The following ARHGAP26 variants were observed in gnomAD, a reference collection of about 807,000 sequenced individuals.
ARHGAP26 encodes the protein rho GTPase-activating protein 26.
Under a neutral mutation model 104.8 loss-of-function variants are expected in ARHGAP26, and 38 were observed. That is an observed-to-expected ratio of 0.36 (90% CI 0.28 to 0.48). The LOEUF (loss-of-function observed/expected upper bound fraction) is 0.48. Among genes scored for constraint, ARHGAP26 ranks in the 20% least tolerant of loss-of-function variants. ARHGAP26 has a pLI of 0.99. For synonymous variants in ARHGAP26, 341 were observed against 340.0 expected, an observed-to-expected ratio of 1.00 and a Z score of -0.03; for missense variants, 704 against 947.9, an observed-to-expected ratio of 0.74 and a Z score of 3.38.
At chr5:142,921,203 CA>C (rs1763138161) in intron 10 of ARHGAP26, among the ~76,000 whole-genome samples, 1 of 152,158 alleles carries the variant, frequency 6.6e-6, no homozygotes, top group East Asian at 1.9e-4. Context: ...CCTGCATTTG[CA>C]CAGTAATAAG....
intron 11 of ARHGAP26, among the ~76,000 whole-genome samples, chr5:143,005,101 C>T (rs148076523): frequency 6.6e-6 from 1 of 152,136 alleles, no homozygotes; most frequent in African/African-American, 2.4e-5. Context: ...AAAAAATTAC[C>T]ACAACCCTTG....
Position 143,192,859 on chromosome 5 carries a change from A to G in ARHGAP26, c.1989-14339A>G, listed in dbSNP as rs539014334. On this transcript the variant is annotated intron_variant, in intron 20 of 22. Coordinates refer to ENST00000645722, the MANE Select transcript of ARHGAP26 (RefSeq NM_001135608.3). ...TCATGTTAACTTCATTTGCAGACAG[A>G]TGTTGGCCATGTAACATGAAAAAAG... Among the ~76,000 whole-genome samples the G allele has an allele frequency of 8.6e-5, 13 of 152,030 alleles. No homozygotes were observed. The East Asian group carries it at 2.3e-3, about 27-fold the overall frequency.
chr5:143,109,583 T>C (rs1042525298), intron 17 of ARHGAP26, among the ~76,000 whole-genome samples: 1 of 152,018 alleles, frequency 6.6e-6, no homozygotes, highest in Non-Finnish European at 1.5e-5. Flanking sequence ...GCTTCCCGAG[T>C]AGCTGGGACT....
chr5:143,023,267 A>G (rs1037535959), intron 12 of ARHGAP26, among the ~76,000 whole-genome samples: 7 of 152,368 alleles, frequency 4.6e-5, no homozygotes, highest in Middle Eastern at 6.8e-3. Flanking sequence ...ATTGAGGACC[A>G]GGAGAGGAGA....
chr5:143,105,098 G>A (rs1023926726), intron 17 of ARHGAP26, among the ~76,000 whole-genome samples: 8 of 152,184 alleles, frequency 5.3e-5, no homozygotes, highest in African/African-American at 1.9e-4. Context: ...CTAATCGGCT[G>A]GGTGTGGTGG....
At chr5:143,214,869 C>G (rs1221496863) in intron 22 of ARHGAP26, among the ~76,000 whole-genome samples, 1 of 152,258 alleles carries the variant, frequency 6.6e-6, no homozygotes, top group Non-Finnish European at 1.5e-5. Flanking sequence ...TCTGCATTCC[C>G]TTTTATCGTT....
At chr5:143,168,304 C>T (rs1449874719) in intron 20 of ARHGAP26, among the ~76,000 whole-genome samples, 1 of 152,134 alleles carries the variant, frequency 6.6e-6, no homozygotes, top group Non-Finnish European at 1.5e-5. Flanking sequence ...ATGTTGTCTT[C>T]CCATTCCAGA....
chr5:143,184,500 A>G (rs1294456862), intron 20 of ARHGAP26, among the ~76,000 whole-genome samples: 2 of 152,144 alleles, frequency 1.3e-5, no homozygotes, highest in African/African-American at 4.8e-5. Flanking sequence ...TATCTACTAT[A>G]TAAAAGCTCA....
intron 12 of ARHGAP26, among the ~76,000 whole-genome samples, chr5:143,027,328 T>A (rs1425582568): frequency 6.6e-6 from 1 of 151,342 alleles, no homozygotes; most frequent in East Asian, 1.9e-4. Context: ...CCTGCCACCA[T>A]GCCTAGCTAA....
chr5:142,966,645 ATGTATTCCAAGTC>A (rs1254911658), intron 11 of ARHGAP26, among the ~76,000 whole-genome samples: 3 of 152,214 alleles, frequency 2.0e-5, no homozygotes, highest in African/African-American at 7.2e-5. Context: ...TGCTGGAAAA[ATGTATTCCAAGTC>A]TGTAATTGAG....
At chr5:142,907,668 A>G (rs1352554391) in intron 8 of ARHGAP26, 36 bp from the exon 9 acceptor site, 8 of 1,433,882 alleles carry the variant, frequency 5.6e-6, no homozygotes, top group Non-Finnish European at 7.8e-6. Flanking sequence ...ATACAGTGGA[A>G]TGTATAGATA....
chr5:142,968,210 A>G (rs1407595259), intron 11 of ARHGAP26, among the ~76,000 whole-genome samples: 3 of 152,194 alleles, frequency 2.0e-5, no homozygotes, highest in Non-Finnish European at 4.4e-5. Flanking sequence ...AAACTGAGAC[A>G]CAGAGAGATT....
At chr5:142,931,837 C>T (rs947515054) in intron 10 of ARHGAP26, among the ~76,000 whole-genome samples, 2 of 152,216 alleles carry the variant, frequency 1.3e-5, no homozygotes, top group African/African-American at 2.4e-5. Flanking sequence ...GTGTTTCTGC[C>T]TCTCTGAGGG....
chr5:143,032,151 A>C (rs1246560292), intron 12 of ARHGAP26, among the ~76,000 whole-genome samples: 5 of 152,224 alleles, frequency 3.3e-5, no homozygotes, highest in Non-Finnish European at 5.9e-5. Context: ...TTGAAATGAA[A>C]GTTAAGAGGA....
chr5:143,058,179 C>A (rs1024384585), intron 17 of ARHGAP26: 4 of 421,612 alleles, frequency 9.5e-6, no homozygotes, highest in Middle Eastern at 5.1e-4. Context: ...CTGTTATTAA[C>A]CTGCTGCTTA....
At chr5:143,000,086 A>G (rs1776989308) in intron 11 of ARHGAP26, among the ~76,000 whole-genome samples, 1 of 152,236 alleles carries the variant, frequency 6.6e-6, no homozygotes, top group African/African-American at 2.4e-5. Context: ...TAGAACAGCT[A>G]AAAGTAGAAG....
intron 20 of ARHGAP26, among the ~76,000 whole-genome samples, chr5:143,182,248 G>A (rs546979941): frequency 1.3e-5 from 2 of 152,262 alleles, no homozygotes; most frequent in African/African-American, 4.8e-5. Flanking sequence ...CAAAGCACTC[G>A]GCTTTGGTGC....
intron 11 of ARHGAP26, among the ~76,000 whole-genome samples, chr5:142,950,135 A>G (rs1190936893): frequency 6.6e-6 from 1 of 152,032 alleles, no homozygotes; most frequent in Non-Finnish European, 1.5e-5. Context: ...TTCACAGATG[A>G]GTTTATAGAG....
chr5:142,897,668 A>G (rs1759663664), intron 6 of ARHGAP26, among the ~76,000 whole-genome samples: 1 of 152,220 alleles, frequency 6.6e-6, no homozygotes, highest in South Asian at 2.1e-4. Flanking sequence ...ACAATTGATG[A>G]TATTATCTGA....
Sources: allele counts gnomAD v4.1 joint callset (sites outside exome capture counted in the v4.1 genomes callset), GRCh38; gene constraint gnomAD v4.1.1; transcripts MANE v1.5; gene names NCBI Gene and HGNC (gene_info 2026-07-23, HGNC 2026-07-21).